RBFOX1: variants seen among roughly 807,000 people sequenced by gnomAD.
RBFOX1 encodes the protein RNA binding fox-1 homolog 1, also known as RNA binding protein fox-1 homolog 1.
In RBFOX1, 8 loss-of-function variants were observed where a neutral mutation model predicts 57.7. The observed-to-expected ratio is 0.14, with a 90% CI of 0.08 to 0.25. The LOEUF (loss-of-function observed/expected upper bound fraction) is 0.25. RBFOX1 is among the 10% of genes least tolerant of loss of function. The pLI, the probability that RBFOX1 is intolerant of heterozygous loss-of-function variation, is 1.00. For synonymous variants in RBFOX1, 326 were observed against 222.4 expected (o/e 1.47, Z -4.15); for missense variants, 611 against 548.5 (o/e 1.11, Z -1.14).
chr16:5,512,385 T>TCCTC (rs1459628084), intron 2 of RBFOX1, among the ~76,000 whole-genome samples: 6 of 151,900 alleles, frequency 3.9e-5, no homozygotes, highest in African/African-American at 1.5e-4. Flanking sequence ...TTTCCTTCCT[T>TCCTC]CCTCTCTTCT....
At chr16:6,020,115 C>A in intron 1 of RBFOX1, 123 bp downstream of exon 1, 2 of 1,151,896 alleles carry the variant, frequency 1.7e-6, no homozygotes, top group Non-Finnish European at 2.3e-6. Flanking sequence ...CCAGTCTGGG[C>A]GCTCTGGACG....
At chr16:7,702,524 AG>A (rs2081091392) in intron 14 of RBFOX1, among the ~76,000 whole-genome samples, 3 of 152,218 alleles carry the variant, frequency 2.0e-5, no homozygotes, top group Non-Finnish European at 4.4e-5. Context: ...TGCCCATAAC[AG>A]TTTATGATTG....
chr16:7,365,107 C>G (rs1001851567), intron 4 of RBFOX1, among the ~76,000 whole-genome samples: 1 of 152,088 alleles, frequency 6.6e-6, no homozygotes, highest in Non-Finnish European at 1.5e-5. Flanking sequence ...CTATCCATCC[C>G]AATACAAACC....
intron 4 of RBFOX1, among the ~76,000 whole-genome samples, chr16:7,343,281 C>T (rs555454501): frequency 7.9e-5 from 12 of 152,308 alleles, no homozygotes; most frequent in East Asian, 7.8e-4. Flanking sequence ...AGCTCTGAGT[C>T]GCTTCGAAGT....
intron 14 of RBFOX1, among the ~76,000 whole-genome samples, chr16:7,707,961 C>G (rs1329100889): frequency 2.0e-5 from 3 of 152,130 alleles, no homozygotes; most frequent in East Asian, 1.9e-4. Context: ...TAGCAGCATT[C>G]AAACTATCTC....
intron 3 of RBFOX1, among the ~76,000 whole-genome samples, chr16:5,732,188 G>A (rs1273076761): frequency 2.6e-5 from 4 of 152,202 alleles, no homozygotes; most frequent in African/African-American, 9.7e-5. Flanking sequence ...GCTGCATGGA[G>A]ATAATAGTTC....
intron 3 of RBFOX1, among the ~76,000 whole-genome samples, chr16:6,839,582 C>G (rs186133402): frequency 2.0e-5 from 3 of 152,238 alleles, no homozygotes. Flanking sequence ...GCTGGTATTT[C>G]CACAATATTG....
intron 3 of RBFOX1, among the ~76,000 whole-genome samples, chr16:6,738,358 G>C (rs988480666): frequency 5.9e-5 from 9 of 152,134 alleles, no homozygotes; most frequent in African/African-American, 1.9e-4. Context: ...AAGTGGAACT[G>C]AGGGTCCGGG....
At chr16:7,590,984 G>T (rs918185687) in intron 7 of RBFOX1, among the ~76,000 whole-genome samples, 2 of 152,076 alleles carry the variant, frequency 1.3e-5, no homozygotes, top group African/African-American at 4.8e-5. Context: ...TGTCCTCCTG[G>T]GCTTTCCTGA....
At chr16:7,643,346 AC>A (rs1196733581) in intron 11 of RBFOX1, among the ~76,000 whole-genome samples, 1 of 152,166 alleles carries the variant, frequency 6.6e-6, no homozygotes, top group Non-Finnish European at 1.5e-5. Context: ...TTTTATTTCC[AC>A]AAAAAGAAGA....
intron 12 of RBFOX1, among the ~76,000 whole-genome samples, chr16:7,656,890 G>A (rs1466510606): frequency 6.6e-6 from 1 of 152,110 alleles, no homozygotes; most frequent in African/African-American, 2.4e-5. Flanking sequence ...GAAGAAATAT[G>A]GGGTATATAT....
chr16:6,727,486 A>G (rs1345490771), intron 3 of RBFOX1, among the ~76,000 whole-genome samples: 1 of 151,852 alleles, frequency 6.6e-6, no homozygotes, highest in African/African-American at 2.4e-5. Flanking sequence ...CAGGGCAAAA[A>G]CTGGATTATA....
chr16:5,923,622 A>C (rs907034707), intron 4 of RBFOX1, among the ~76,000 whole-genome samples: 1 of 148,434 alleles, frequency 6.7e-6, no homozygotes, highest in South Asian at 2.1e-4. Context: ...GCTGACTGCA[A>C]CCTCCACCTC....
At chr16:5,278,966 A>G (rs146509729) in intron 1 of RBFOX1, among the ~76,000 whole-genome samples, 236 of 152,278 alleles carry the variant, frequency 1.5e-3, no homozygotes, top group Middle Eastern at 0.01. Flanking sequence ...TTTAATACCA[A>G]TACACACTGT....
chr16:5,571,570 C>T (rs1403376123), intron 2 of RBFOX1, among the ~76,000 whole-genome samples: 1 of 152,082 alleles, frequency 6.6e-6, no homozygotes, highest in African/African-American at 2.4e-5. Context: ...CATGAACTCA[C>T]ATCTGCGCCC....
chr16:5,380,925 A>G (rs2066114349), intron 1 of RBFOX1, among the ~76,000 whole-genome samples: 1 of 152,224 alleles, frequency 6.6e-6, no homozygotes, highest in Non-Finnish European at 1.5e-5. Flanking sequence ...TTGTGATGTC[A>G]CCTTTTTATG....
intron 4 of RBFOX1, among the ~76,000 whole-genome samples, chr16:7,113,469 G>C (rs367868607): frequency 6.6e-6 from 1 of 151,920 alleles, no homozygotes; most frequent in Admixed American, 6.6e-5. Context: ...CTTCCCTTTC[G>C]ATCTTGTTAT....
intron 2 of RBFOX1, among the ~76,000 whole-genome samples, chr16:6,465,824 GTTTAC>G (rs933717104): frequency 9.5e-5 from 14 of 147,024 alleles, no homozygotes; most frequent in African/African-American, 2.6e-4. Context: ...TTAGGCTACA[GTTTAC>G]TTTAAGTCAC....
At chr16:7,549,636 G>C (rs2085703361) in intron 5 of RBFOX1, among the ~76,000 whole-genome samples, 1 of 152,164 alleles carries the variant, frequency 6.6e-6, no homozygotes, top group Admixed American at 6.5e-5. Context: ...GAAGAACCTG[G>C]AGTCTGTTGT....
Sources: gnomAD v4.1 joint callset for allele counts (sites outside exome capture counted in the v4.1 genomes callset) on GRCh38, gnomAD v4.1.1 for gene constraint, MANE v1.5 for transcripts, NCBI Gene and HGNC (gene_info 2026-07-23, HGNC 2026-07-21) for gene names.